KLF17: variants seen among roughly 807,000 people sequenced by gnomAD.
KLF17 encodes the protein Krueppel-like factor 17.
A neutral mutation model predicts 34.2 loss-of-function variants in KLF17; 31 were observed. That is an observed-to-expected ratio of 0.91 (90% CI 0.68 to 1.22). KLF17 has a LOEUF of 1.22. Among genes scored for constraint, KLF17 ranks in the 50% most tolerant of loss-of-function variants. The probability of loss-of-function intolerance (pLI) is 0.00; values close to 1 mark genes in which losing one functional copy is unlikely to be tolerated. For missense variants in KLF17, 478 were observed against 505.2 expected, an observed-to-expected ratio of 0.95 and a Z score of 0.52; for synonymous variants, 179 against 186.7, an observed-to-expected ratio of 0.96 and a Z score of 0.34.
the KLF17 span, among the ~76,000 whole-genome samples, chr1:44,068,235 G>A: frequency 6.6e-6 from 1 of 152,154 alleles, no homozygotes; most frequent in Non-Finnish European, 1.5e-5. Context: ...ATGTTGTTTA[G>A]GCTGTCTCAA....
the KLF17 span, among the ~76,000 whole-genome samples, chr1:44,108,819 C>G: frequency 6.6e-6 from 1 of 151,890 alleles, no homozygotes; most frequent in Non-Finnish European, 1.5e-5. Context: ...GTGCATACCA[C>G]CATACCCTGC....
the KLF17 span, among the ~76,000 whole-genome samples, chr1:44,077,219 C>T: frequency 6.6e-6 from 1 of 152,074 alleles, no homozygotes; most frequent in African/African-American, 2.4e-5. Context: ...GTGGTGTGCG[C>T]CTGTAATCCC....
At chr1:44,053,561 G>A in the KLF17 span, among the ~76,000 whole-genome samples, 3 of 152,230 alleles carry the variant, frequency 2.0e-5, no homozygotes, top group Admixed American at 6.5e-5. Context: ...CCCTACTGCC[G>A]GAGGAAGTAA....
chr1:44,102,970 G>A, the KLF17 span, among the ~76,000 whole-genome samples: 1 of 152,180 alleles, frequency 6.6e-6, no homozygotes, highest in African/African-American at 2.4e-5. Context: ...AAAATAATTT[G>A]AGCTCACTTC....
the KLF17 span, among the ~76,000 whole-genome samples, chr1:44,113,374 A>G: frequency 6.6e-6 from 1 of 152,242 alleles, no homozygotes; most frequent in Non-Finnish European, 1.5e-5. Flanking sequence ...GAAAAAGAAG[A>G]TTCTTTTAAG....
At chr1:44,084,287 A>G in the KLF17 span, among the ~76,000 whole-genome samples, 2 of 152,176 alleles carry the variant, frequency 1.3e-5, no homozygotes, top group African/African-American at 2.4e-5. Flanking sequence ...TTAGTGTGTC[A>G]GTAAGACATT....
Position 44,130,748 on chromosome 1 carries a change from G to A in KLF17, c.1162G>A (p.Gly388Ser). The A allele has an allele frequency of 2.5e-6, 4 of 1,613,870 alleles. No individual in the cohort carries two copies. Among genetic ancestry groups the A allele is most frequent in the Non-Finnish European group, 3.4e-6 (4 of 1,179,898 alleles). Residue 388 changes from glycine to serine, a missense_variant, in exon 3 of 4, where the codon GGT becomes AGT. Coordinates refer to ENST00000372299, the MANE Select transcript of KLF17 (RefSeq NM_173484.4). The stretch of plus-strand genomic sequence containing the variant: ...AGAGCAGGACAGTCCTCCTGCTGCT[G>A]GTCCTTAGGTCAGTCTCCTCTCCTC... ...NGEQDSPPAA[G>S]P
At chr1:44,092,555 T>A in the KLF17 span, among the ~76,000 whole-genome samples, 1 of 151,704 alleles carries the variant, frequency 6.6e-6, no homozygotes. Flanking sequence ...AGAAGAAAAA[T>A]GCTGTAACAC....
At chr1:44,104,019 C>G in the KLF17 span, 2 of 860,326 alleles carry the variant, frequency 2.3e-6, no homozygotes, top group Non-Finnish European at 4.0e-6. Context: ...GTCCATGGAG[C>G]GGCTGTTGTC....
At chr1:44,132,101 CT>C (rs1245772734) in intron 3 of KLF17, among the ~76,000 whole-genome samples, 2 of 151,908 alleles carry the variant, frequency 1.3e-5, no homozygotes, top group Non-Finnish European at 2.9e-5. Context: ...GGTCAGGAGT[CT>C]TGAGACTAGC....
the KLF17 span, among the ~76,000 whole-genome samples, chr1:44,061,467 C>CT: frequency 6.6e-6 from 1 of 152,198 alleles, no homozygotes; most frequent in Non-Finnish European, 1.5e-5. Flanking sequence ...TCACCTCTCC[C>CT]TAAGACATGC....
Position 44,133,590 on chromosome 1 carries a change from G to A in KLF17, c.*353G>A, listed in dbSNP as rs2088136543. 1 of 152,286 alleles carries A rather than the reference G, an allele frequency of 6.6e-6. No individual in the cohort carries two copies. Among genetic ancestry groups the A allele is most frequent in the African/African-American group, 2.4e-5 (1 of 41,454 alleles). 9.4% of individuals were successfully genotyped at this position (152,286 alleles called of 1,614,324 possible). On this transcript the variant is annotated 3_prime_UTR_variant, in exon 4 of 4. Coordinates refer to ENST00000372299, the MANE Select transcript of KLF17 (RefSeq NM_173484.4). Reference sequence around the variant, plus strand: ...CATGAAGGCACCCTGCCTCTGCAGAGCAGAAAGATCATAGACAACATTTAT... The same window carrying A: ...CATGAAGGCACCCTGCCTCTGCAGAACAGAAAGATCATAGACAACATTTAT...
At chr1:44,070,280 G>A in the KLF17 span, among the ~76,000 whole-genome samples, 2 of 152,064 alleles carry the variant, frequency 1.3e-5, no homozygotes, top group African/African-American at 2.4e-5. Context: ...AGGGCTTGTG[G>A]TGGATCCATC....
the KLF17 span, among the ~76,000 whole-genome samples, chr1:44,090,304 T>TAAAA: frequency 1.1e-4 from 1 of 8,748 alleles, no homozygotes. Context: ...ATCTTGTCTC[T>TAAAA]ACAAAAAAAA....
the KLF17 span, among the ~76,000 whole-genome samples, chr1:44,094,408 A>G: frequency 6.6e-6 from 1 of 152,128 alleles, no homozygotes; most frequent in African/African-American, 2.4e-5. Flanking sequence ...CTTAGTCAAG[A>G]AATCTTTGCC....
the KLF17 span, among the ~76,000 whole-genome samples, chr1:44,094,403 TC>T: frequency 2.0e-5 from 3 of 152,170 alleles, no homozygotes; most frequent in African/African-American, 7.2e-5. Context: ...GTGGTCTTAG[TC>T]AAGAAATCTT....
intron 1 of KLF17, among the ~76,000 whole-genome samples, chr1:44,121,360 C>T (rs371480853): frequency 5.3e-5 from 8 of 152,122 alleles, no homozygotes; most frequent in African/African-American, 1.9e-4. Flanking sequence ...AATGATCTAC[C>T]CGCCTCAGCC....
chr1:44,094,482 A>C, the KLF17 span, among the ~76,000 whole-genome samples: 1 of 152,150 alleles, frequency 6.6e-6, no homozygotes, highest in Non-Finnish European at 1.5e-5. Context: ...TTCCGGTCTT[A>C]GGTTTAAGTT....
At chr1:44,127,589 G>A (rs953368988) in intron 1 of KLF17, among the ~76,000 whole-genome samples, 19 of 147,406 alleles carry the variant, frequency 1.3e-4, no homozygotes, top group Admixed American at 6.1e-4. Context: ...CACCCGCCTC[G>A]GTGGATCTTT....
Sources: allele counts gnomAD v4.1 joint callset (sites outside exome capture counted in the v4.1 genomes callset), GRCh38; gene constraint gnomAD v4.1.1; transcripts MANE v1.5; gene names NCBI Gene and HGNC (gene_info 2026-07-23, HGNC 2026-07-21).